Variants in ANAPC1 observed in about 807,000 individuals in gnomAD.
The protein encoded by ANAPC1 is anaphase promoting complex subunit 1, also known as anaphase-promoting complex subunit 1.
ANAPC1 carries 36 observed loss-of-function variants against 208.0 expected under a neutral mutation model. The ratio of observed to expected loss-of-function variants is 0.17; its 90% CI spans 0.13 to 0.23. The LOEUF is 0.23. ANAPC1 is among the 10% of genes least tolerant of loss of function. The pLI is 1.00. For missense variants in ANAPC1, 942 were observed against 2,011.6 expected (o/e 0.47, Z 10.17); for synonymous variants, 378 against 695.2 (o/e 0.54, Z 7.18).
intron 21 of ANAPC1, among the ~76,000 whole-genome samples, chr2:111,830,019 G>A (rs1383420149): frequency 6.6e-6 from 1 of 152,074 alleles, no homozygotes; most frequent in Non-Finnish European, 1.5e-5. Context: ...GCAGTGAGCT[G>A]AGATCACTCC....
intron 34 of ANAPC1, among the ~76,000 whole-genome samples, chr2:111,795,390 A>AT (rs1281263374): frequency 5.6e-5 from 8 of 143,074 alleles, no homozygotes; most frequent in Non-Finnish European, 9.2e-5. Context: ...TCAAAAAAAA[A>AT]AATAATAATA....
At chr2:111,823,298 T>C (rs1282922559) in intron 24 of ANAPC1, among the ~76,000 whole-genome samples, 1 of 152,054 alleles carries the variant, frequency 6.6e-6, no homozygotes, top group Admixed American at 6.6e-5. Flanking sequence ...ATTACAGGCA[T>C]GAGCCACCGC....
At chr2:111,779,832 A>G (rs1192763408) in intron 44 of ANAPC1, 1 of 233,436 alleles carries the variant, frequency 4.3e-6, no homozygotes. Flanking sequence ...AACAGAAAAA[A>G]CCGACCCTGT....
chr2:111,863,024 A>G (rs1294808701), intron 9 of ANAPC1, among the ~76,000 whole-genome samples: 1 of 28,600 alleles, frequency 3.5e-5, no homozygotes, highest in Non-Finnish European at 1.2e-4. Flanking sequence ...ATAACAAGTA[A>G]AAAAAAAAGA....
intron 43 of ANAPC1, 74 bp downstream of exon 43, chr2:111,782,295 A>G (rs1677326735): frequency 6.3e-7 from 1 of 1,587,108 alleles, no homozygotes; most frequent in Admixed American, 1.8e-5. Context: ...CCACCTTTGA[A>G]GTTTATAGCA....
intron 47 of ANAPC1, chr2:111,771,253 G>GACATTTTTGCTT: frequency 6.7e-6 from 1 of 149,398 alleles, no homozygotes; most frequent in South Asian, 2.2e-4. Flanking sequence ...TGCTGCTGCT[G>GACATTTTTGCTT]ACATTTTTGC....
chr2:111,854,953 C>T (rs1681618553), intron 13 of ANAPC1, among the ~76,000 whole-genome samples: 1 of 152,222 alleles, frequency 6.6e-6, no homozygotes, highest in Admixed American at 6.5e-5. Flanking sequence ...CTCTTGTGCA[C>T]AGGTGGTCTG....
chr2:111,861,129 G>A (rs3863962), intron 10 of ANAPC1, among the ~76,000 whole-genome samples: 1 of 152,186 alleles, frequency 6.6e-6, no homozygotes, highest in East Asian at 1.9e-4. Context: ...AAGCTGGAGT[G>A]CAGTAGTGTG....
chr2:111,807,436 A>G (rs1678738320), intron 29 of ANAPC1, among the ~76,000 whole-genome samples: 1 of 152,226 alleles, frequency 6.6e-6, no homozygotes, highest in Non-Finnish European at 1.5e-5. Context: ...TCATGCCTGC[A>G]ATCCCAGCAC....
In ANAPC1 at chr2:111,837,311, G is replaced by A. The variant is rs561655364; in HGVS notation, c.2115+1127C>T. Among the ~76,000 whole-genome samples, 180 of 152,328 alleles carry A rather than the reference G, an allele frequency of 1.2e-3. 1 individual carries two copies. The highest frequency in any genetic ancestry group is 4.2e-3 in the African/African-American group (175 of 41,586). On this transcript the variant is annotated intron_variant, in intron 18 of 47. Transcript: ENST00000341068. ...CAGATCAGTGATTGCTAGAAGAAGA[G>A]AATAAAGCTGATTAAAAACAGCAAG...
At chr2:111,878,444 C>G (rs550260695) in intron 3 of ANAPC1, among the ~76,000 whole-genome samples, 1 of 152,166 alleles carries the variant, frequency 6.6e-6, no homozygotes, top group Non-Finnish European at 1.5e-5. Flanking sequence ...CATTATGAAT[C>G]CCACGATTTT....
chr2:111,843,862 T>C (rs1456895407), intron 16 of ANAPC1, among the ~76,000 whole-genome samples: 1 of 140,184 alleles, frequency 7.1e-6, no homozygotes, highest in Non-Finnish European at 1.5e-5. Flanking sequence ...TCTCGCTCTG[T>C]TGCCCAGGCT....
intron 14 of ANAPC1, among the ~76,000 whole-genome samples, chr2:111,848,695 T>A (rs1681226080): frequency 6.6e-6 from 1 of 151,088 alleles, no homozygotes; most frequent in African/African-American, 2.4e-5. Context: ...AAGAATCGCT[T>A]GAACCCAGGA....
intron 27 of ANAPC1, among the ~76,000 whole-genome samples, chr2:111,816,668 CAT>C (rs1222179237): frequency 6.9e-6 from 1 of 144,654 alleles, no homozygotes; most frequent in Non-Finnish European, 1.5e-5. Flanking sequence ...AAATAATTAA[CAT>C]AAATATTTTA....
chr2:111,872,451 G>C (rs566058397), intron 6 of ANAPC1, among the ~76,000 whole-genome samples, 179 bp downstream of exon 6: 1 of 152,244 alleles, frequency 6.6e-6, no homozygotes, highest in African/African-American at 2.4e-5. Flanking sequence ...GCAGATTTTG[G>C]AGAATTTCAG....
rs747398941 is a variant in ANAPC1, at chr2:111,843,568, G to A, written c.1884C>T (p.Ile628=). ...VQTCLQAIKF[I]LPKEIAVQML... is the part of the protein sequence containing the mutation. ...TCTGAACTGCTATTTCTTTTGGCAG[G>A]ATAAACTTAATTGCTTGCAAACACG... is the stretch of plus-strand genomic sequence containing the variant. The change falls in exon 17 of 48, where the codon ATC becomes ATT. Residue 628 remains isoleucine, a synonymous_variant. Transcript: ENST00000341068. The A allele has an allele frequency of 6.2e-7, 1 of 1,611,638 alleles. No homozygotes were observed. The highest frequency in any genetic ancestry group is 2.3e-4 in the Middle Eastern group (1 of 4,428).
At chr2:111,798,772 C>T (rs1378408971) in intron 34 of ANAPC1, among the ~76,000 whole-genome samples, 11 of 152,324 alleles carry the variant, frequency 7.2e-5, no homozygotes, top group Non-Finnish European at 1.2e-4. Context: ...TGGTGGCTCA[C>T]GCCTGTAATC....
At position 111,850,097 on chromosome 2, in the gene ANAPC1, C is replaced by G. The variant is rs1413328394; in HGVS notation, c.1650+679G>C. ...ACTAATAAAGCACTGAGAACAATGC[C>G]TAGCACATAGAAAATGCTCAAAAAA... On this transcript the variant is annotated intron_variant, in intron 14 of 47. Transcript: ENST00000341068. Among the ~76,000 whole-genome samples the G allele has an allele frequency of 2.6e-5, 4 of 152,100 alleles. No individual in the cohort carries two copies. The East Asian group carries it at 7.7e-4, about 29-fold the overall frequency.
intron 8 of ANAPC1, 77 bp from the exon 9 acceptor site, chr2:111,863,972 T>A (rs1573492779): frequency 6.8e-7 from 1 of 1,467,966 alleles, no homozygotes; most frequent in Non-Finnish European, 9.0e-7. Context: ...CTTGTAAGAA[T>A]GCAAGTTGAA....
Sources: gnomAD v4.1 joint callset for allele counts (sites outside exome capture counted in the v4.1 genomes callset) on GRCh38, gnomAD v4.1.1 for gene constraint, MANE v1.5 for transcripts, NCBI Gene and HGNC (gene_info 2026-07-23, HGNC 2026-07-21) for gene names.